Variants in METTL5 observed in about 807,000 individuals in gnomAD.
The protein encoded by METTL5 is methyltransferase 5, N6-adenosine, also known as rRNA N(6)-adenosine-methyltransferase METTL5.
METTL5 carries 28 observed loss-of-function variants against 26.5 expected under a neutral mutation model. The ratio of observed to expected loss-of-function variants is 1.06; its 90% CI spans 0.78 to 1.45. The LOEUF (loss-of-function observed/expected upper bound fraction) is 1.45, where lower values mean the gene tolerates loss of function less well. METTL5 is among the 40% of genes most tolerant of loss of function. The probability of loss-of-function intolerance (pLI) is 0.00; values close to 1 mark genes in which losing one functional copy is unlikely to be tolerated. For synonymous variants in METTL5, 86 were observed against 82.6 expected, an observed-to-expected ratio of 1.04 and a Z score of -0.22; for missense variants, 231 against 249.9, an observed-to-expected ratio of 0.92 and a Z score of 0.51.
intron 5 of METTL5, 167 bp from the exon 6 acceptor site, chr2:169,812,673 A>G (rs1690012338): frequency 3.1e-6 from 2 of 652,152 alleles, no homozygotes; most frequent in Non-Finnish European, 5.0e-6. Flanking sequence ...TCCTAGCATT[A>G]GCCATGGCAG....
chr2:169,822,908 A>C (rs927750926), intron 1 of METTL5, among the ~76,000 whole-genome samples: 1 of 152,102 alleles, frequency 6.6e-6, no homozygotes, highest in East Asian at 1.9e-4. Context: ...CATGAATACC[A>C]CCACCACCGA....
intron 4 of METTL5, among the ~76,000 whole-genome samples, chr2:169,817,757 G>A (rs2105716932): frequency 6.9e-6 from 1 of 145,596 alleles, no homozygotes; most frequent in South Asian, 2.2e-4. Context: ...ACACACGGGG[G>A]CCTGTTGGGG....
rs1455507811 is a variant in METTL5 at position 169,814,472 on chromosome 2, A to AAAAAAAAAAAAAAG, written c.541+1004_541+1005insCTTTTTTTTTTTTT. 3.4e-5 allele frequency among the ~76,000 whole-genome samples: 5 copies of AAAAAAAAAAAAAAG among 148,902 alleles called. 1 individual carries two copies. The South Asian group carries it at 8.5e-4, about 25-fold the overall frequency. ...TAACAGAGCAAGGCTTTGTCTCAAA[A>AAAAAAAAAAAAAAG]AAAAAAAAAGAAAAAAGAAAATGAA... On this transcript the variant is annotated intron_variant, in intron 5 of 6. Coordinates refer to ENST00000260953, the MANE Select transcript of METTL5 (RefSeq NM_014168.4).
At chr2:169,819,664 G>T in intron 3 of METTL5, 21 bp from the exon 4 acceptor site, 1 of 1,550,626 alleles carries the variant, frequency 6.4e-7, no homozygotes. Flanking sequence ...TAGAAAAAAA[G>T]CTCCTATTTA....
At chr2:169,816,765 T>A (rs1230502626) in intron 4 of METTL5, among the ~76,000 whole-genome samples, 4 of 152,134 alleles carry the variant, frequency 2.6e-5, no homozygotes, top group African/African-American at 9.7e-5. Context: ...TGAAACTGGA[T>A]CCGTTCCTTA....
rs758402748 is a variant in METTL5 at position 169,822,068 on chromosome 2, A to T, written c.110-11T>A. The T allele has an allele frequency of 9.7e-6, 15 of 1,549,382 alleles. No homozygotes were observed. The highest frequency in any genetic ancestry group is 8.4e-5 in the South Asian group (7 of 83,750). On this transcript the variant is annotated splice_polypyrimidine_tract_variant and intron_variant, in intron 1 of 6. Coordinates refer to ENST00000260953, the MANE Select transcript of METTL5 (RefSeq NM_014168.4). The stretch of plus-strand genomic sequence containing the variant: ...TATAGAGCATACATGCTAAAAAATA[A>T]AAAAAAAAAGAATAAGTAAGCAAGC...
At position 169,812,515 on chromosome 2, in the gene METTL5, C is replaced by T. The variant is rs1000399055; in HGVS notation, c.542-9G>A. The T allele has an allele frequency of 6.2e-7, 1 of 1,612,538 alleles. No homozygotes were observed. The highest frequency in any genetic ancestry group is 8.5e-7 in the Non-Finnish European group (1 of 1,179,614). On this transcript the variant is annotated splice_polypyrimidine_tract_variant and intron_variant, in intron 5 of 6. Coordinates refer to ENST00000260953, the MANE Select transcript of METTL5 (RefSeq NM_014168.4). ...CAGGTCATATCGAAGTTCTGTAAAA[C>T]AAAAGCCACCTAAGGATAAAATTGT... is the stretch of plus-strand genomic sequence containing the variant.
In METTL5 at chr2:169,815,471, T is replaced by C; in HGVS notation, c.541+6A>G. ...TTTTGGATATTAGGATTGAGATTTG[T>C]CTTACCTGCTATAATATCTATCTTG... On this transcript the variant is annotated splice_donor_region_variant and intron_variant, in intron 5 of 6. Transcript: ENST00000260953. 1 of 1,593,616 alleles carries C rather than the reference T, an allele frequency of 6.3e-7. No individual in the cohort carries two copies. The highest frequency in any genetic ancestry group is 8.6e-7 in the Non-Finnish European group (1 of 1,165,620).
chr2:169,823,283 T>C (rs1180994898), intron 1 of METTL5, among the ~76,000 whole-genome samples: 3 of 152,122 alleles, frequency 2.0e-5, no homozygotes, highest in Non-Finnish European at 4.4e-5. Flanking sequence ...GGCCAGATTG[T>C]TATTATTTTT....
chr2:169,813,209 G>A (rs973497786), intron 5 of METTL5: 2 of 150,382 alleles, frequency 1.3e-5, no homozygotes, highest in Non-Finnish European at 3.0e-5. Flanking sequence ...CTCACTGCAA[G>A]CTCCACCTCC....
intron 6 of METTL5, chr2:169,812,082 T>C (rs1039058143): frequency 9.7e-6 from 6 of 618,150 alleles, no homozygotes; most frequent in Non-Finnish European, 1.6e-5. Context: ...TGATTTTTTT[T>C]TTCTTTTTGT....
At chr2:169,815,776 C>A (rs73972627) in intron 4 of METTL5, among the ~76,000 whole-genome samples, 1 of 152,114 alleles carries the variant, frequency 6.6e-6, no homozygotes, top group African/African-American at 2.4e-5. Flanking sequence ...CACATAATGC[C>A]ATTTGGGGTT....
At chr2:169,819,921 A>G (rs2081561012) in intron 3 of METTL5, among the ~76,000 whole-genome samples, 1 of 152,016 alleles carries the variant, frequency 6.6e-6, no homozygotes, top group African/African-American at 2.4e-5. Flanking sequence ...ATAGAGTACT[A>G]TTCAGAATCA....
intron 6 of METTL5, 33 bp downstream of exon 6, chr2:169,812,424 C>G (rs1243673826): frequency 4.3e-6 from 7 of 1,613,576 alleles, no homozygotes; most frequent in Non-Finnish European, 8.5e-7. Flanking sequence ...TTTTCAATAC[C>G]GAATGTAGAC....
intron 5 of METTL5, chr2:169,813,313 TAG>T (rs1434762755): frequency 6.6e-6 from 1 of 151,728 alleles, no homozygotes. Flanking sequence ...TATTTTTTAG[TAG>T]AGACAGGGTT....
chr2:169,814,903 G>C (rs191435133), intron 5 of METTL5, among the ~76,000 whole-genome samples: 123 of 150,544 alleles, frequency 8.2e-4, no homozygotes, highest in African/African-American at 2.8e-3. Flanking sequence ...GTTTGTTTTT[G>C]TTTTTTTGAG....
intron 4 of METTL5, among the ~76,000 whole-genome samples, chr2:169,817,441 A>G (rs2081524038): frequency 6.6e-6 from 1 of 152,212 alleles, no homozygotes. Context: ...GTATATACCC[A>G]AAGGGTTATA....
intron 4 of METTL5, among the ~76,000 whole-genome samples, chr2:169,817,470 A>T (rs764446016): frequency 1.3e-5 from 2 of 152,220 alleles, no homozygotes; most frequent in Non-Finnish European, 2.9e-5. Flanking sequence ...TGCTATAAAG[A>T]CACATGCACA....
chr2:169,824,128 T>C (rs2081620613), intron 1 of METTL5: 1 of 188,918 alleles, frequency 5.3e-6, no homozygotes, highest in African/African-American at 2.3e-5. Flanking sequence ...TTAGTAAATG[T>C]TTACTGAGCT....
Sources: gnomAD v4.1 joint callset for allele counts (sites outside exome capture counted in the v4.1 genomes callset) on GRCh38, gnomAD v4.1.1 for gene constraint, MANE v1.5 for transcripts, NCBI Gene and HGNC (gene_info 2026-07-23, HGNC 2026-07-21) for gene names.